Variants in CYP4X1 observed in about 807,000 individuals in gnomAD.
CYP4X1 encodes cytochrome P450 4X1.
In CYP4X1, 44 loss-of-function variants were observed where a neutral mutation model predicts 57.9. That is an observed-to-expected ratio of 0.76 (90% CI 0.60 to 0.98). The LOEUF (loss-of-function observed/expected upper bound fraction) is 0.98. Ranked by LOEUF, CYP4X1 falls within the 50% of genes least tolerant of loss-of-function variation. The pLI, the probability that CYP4X1 is intolerant of heterozygous loss-of-function variation, is 0.00. For missense variants in CYP4X1, 532 were observed against 623.9 expected, an observed-to-expected ratio of 0.85 and a Z score of 1.57; for synonymous variants, 227 against 228.6, an observed-to-expected ratio of 0.99 and a Z score of 0.06.
At chr1:46,961,744 C>A in the CYP4X1 span, 1 of 1,312,086 alleles carries the variant, frequency 7.6e-7, no homozygotes, top group South Asian at 1.2e-5. Context: ...TGACTTCTTC[C>A]TCCAGTGGAT....
At chr1:46,967,823 T>G in the CYP4X1 span, 1 of 1,323,370 alleles carries the variant, frequency 7.6e-7, no homozygotes, top group South Asian at 2.2e-5. Context: ...GTCAGGGCCA[T>G]GGCCACCTTT....
the CYP4X1 span, chr1:46,967,737 T>C: frequency 8.2e-7 from 1 of 1,216,566 alleles, no homozygotes; most frequent in Non-Finnish European, 1.1e-6. Flanking sequence ...GGATTCCACT[T>C]TTGAACTTCA....
the CYP4X1 span, among the ~76,000 whole-genome samples, chr1:47,000,470 C>A: frequency 4.6e-5 from 7 of 152,078 alleles, no homozygotes; most frequent in South Asian, 4.2e-4. Flanking sequence ...GGGTTTGGCC[C>A]GGCCCACAAC....
the CYP4X1 span, among the ~76,000 whole-genome samples, chr1:46,971,465 A>C: frequency 6.6e-6 from 1 of 152,188 alleles, no homozygotes; most frequent in Non-Finnish European, 1.5e-5. Flanking sequence ...GTCAAATGGC[A>C]GTTCTATTTT....
the CYP4X1 span, among the ~76,000 whole-genome samples, chr1:46,991,859 T>C: frequency 1.3e-5 from 2 of 152,252 alleles, no homozygotes; most frequent in South Asian, 4.1e-4. Flanking sequence ...TAGATCTGAT[T>C]CTCCTCTGCA....
chr1:46,985,274 G>C, the CYP4X1 span, among the ~76,000 whole-genome samples: 2 of 152,212 alleles, frequency 1.3e-5, no homozygotes, highest in Non-Finnish European at 2.9e-5. Context: ...CTTGCAGTGA[G>C]CCGAGATCAT....
At chr1:46,965,511 T>C in the CYP4X1 span, among the ~76,000 whole-genome samples, 1 of 152,202 alleles carries the variant, frequency 6.6e-6, no homozygotes, top group African/African-American at 2.4e-5. Flanking sequence ...ACTGCAGACC[T>C]TTGTTGCTTC....
upstream of CYP4X1, among the ~76,000 whole-genome samples, chr1:47,019,959 C>T (rs1643979320): frequency 6.6e-6 from 1 of 152,206 alleles, no homozygotes; most frequent in Non-Finnish European, 1.5e-5. Flanking sequence ...TCAGAATAAT[C>T]TACTACTTAA....
the CYP4X1 span, among the ~76,000 whole-genome samples, chr1:47,016,438 T>A: frequency 6.6e-6 from 1 of 151,896 alleles, no homozygotes; most frequent in African/African-American, 2.4e-5. Context: ...ACCTCCCAGG[T>A]TCACGCCATT....
At chr1:46,969,471 G>A in the CYP4X1 span, among the ~76,000 whole-genome samples, 1 of 152,206 alleles carries the variant, frequency 6.6e-6, no homozygotes, top group Non-Finnish European at 1.5e-5. Flanking sequence ...CTCATCCTGG[G>A]ATAAACCAAT....
the CYP4X1 span, among the ~76,000 whole-genome samples, chr1:46,982,418 G>T: frequency 6.6e-6 from 1 of 152,180 alleles, no homozygotes; most frequent in Non-Finnish European, 1.5e-5. Flanking sequence ...AGTTAGCATG[G>T]TCATTTGGAT....
chr1:47,001,506 C>G, the CYP4X1 span, among the ~76,000 whole-genome samples: 80 of 152,058 alleles, frequency 5.3e-4, 1 homozygote, highest in African/African-American at 1.9e-3. Context: ...TGGGCCAAGG[C>G]GGGTATGGGC....
chr1:47,013,388 C>T, the CYP4X1 span, among the ~76,000 whole-genome samples: 10 of 152,056 alleles, frequency 6.6e-5, no homozygotes, highest in East Asian at 1.9e-4. Flanking sequence ...ATTTGTAAAG[C>T]GGAAATAGTG....
downstream of CYP4X1, among the ~76,000 whole-genome samples, chr1:47,054,205 G>T (rs1468386236): frequency 6.6e-6 from 1 of 151,872 alleles, no homozygotes; most frequent in East Asian, 1.9e-4. Flanking sequence ...TTTTTGTCAG[G>T]TTTGTCAAAG....
At position 47,036,206 on chromosome 1, in the gene CYP4X1, G is replaced by C. The variant is rs764330041; in HGVS notation, c.775+35G>C. On this transcript the variant is annotated intron_variant, in intron 6 of 11. Transcript: ENST00000371901. ...GGGTTTGGGTTGCCCACGTCCATAC[G>C]CTGCCATGATTGTACTGTGTCTGTC... The C allele has an allele frequency of 4.4e-6, 7 of 1,581,366 alleles. No homozygotes were observed. In the Admixed American group the frequency reaches 1.2e-4, roughly 27 times the overall value.
chr1:47,053,487 C>T (rs1644372054), downstream of CYP4X1, among the ~76,000 whole-genome samples: 1 of 152,134 alleles, frequency 6.6e-6, no homozygotes, highest in South Asian at 2.1e-4. Context: ...CCTGAGGAAT[C>T]GCCACACTGA....
Position 47,050,037 on chromosome 1 carries a change from A to G in CYP4X1, c.1393A>G (p.Lys465Glu). 6.2e-7 allele frequency: 1 copy of G among 1,613,986 alleles called. No homozygotes were observed. Among genetic ancestry groups the G allele is most frequent in the Non-Finnish European group, 8.5e-7 (1 of 1,179,990 alleles). Residue 465 changes from lysine (K) to glutamate (E), a missense_variant, in exon 12 of 12, where the codon AAG becomes GAG. By Grantham distance (56) the Lys-to-Glu change is moderately conservative. Transcript: ENST00000371901. ...GCAGGAGTTTGCCATGATTGAGTTA[A>G]AGGTAACCATTGCCTTGATTCTGCT... ...IGQEFAMIEL[K>E]VTIALILLHF...
the CYP4X1 span, among the ~76,000 whole-genome samples, chr1:46,982,971 CA>C: frequency 1.3e-5 from 2 of 152,210 alleles, no homozygotes; most frequent in Non-Finnish European, 2.9e-5. Context: ...TACAGAATTG[CA>C]TAGCTGCTGC....
At chr1:46,980,865 G>A in the CYP4X1 span, among the ~76,000 whole-genome samples, 1 of 152,092 alleles carries the variant, frequency 6.6e-6, no homozygotes, top group Non-Finnish European at 1.5e-5. Flanking sequence ...CCTGACAAAA[G>A]CAAGAAATGG....
Sources: gnomAD v4.1 joint callset for allele counts (sites outside exome capture counted in the v4.1 genomes callset) on GRCh38, gnomAD v4.1.1 for gene constraint, MANE v1.5 for transcripts, NCBI Gene and HGNC (gene_info 2026-07-23, HGNC 2026-07-21) for gene names.